The following KCND2 variants were observed in gnomAD, a reference collection of about 807,000 sequenced individuals.
KCND2 encodes potassium voltage-gated channel subfamily D member 2.
Under a neutral mutation model 54.4 loss-of-function variants are expected in KCND2, and 16 were observed. The ratio of observed to expected loss-of-function variants is 0.29; its 90% CI spans 0.20 to 0.45. KCND2 has a LOEUF of 0.45. KCND2 is among the 20% of genes least tolerant of loss of function. The pLI, the probability that KCND2 is intolerant of heterozygous loss-of-function variation, is 1.00. For missense variants in KCND2, 486 were observed against 824.2 expected (o/e 0.59, Z 5.02); for synonymous variants, 317 against 310.7 (o/e 1.02, Z -0.21).
At chr7:120,420,744 A>C (rs1350938535) in intron 1 of KCND2, among the ~76,000 whole-genome samples, 2 of 152,174 alleles carry the variant, frequency 1.3e-5, no homozygotes, top group African/African-American at 4.8e-5. Context: ...TAAGAGGGAA[A>C]AAAATTAATT....
chr7:120,325,714 T>C (rs1007945880), intron 1 of KCND2, among the ~76,000 whole-genome samples: 1 of 152,036 alleles, frequency 6.6e-6, no homozygotes, highest in Non-Finnish European at 1.5e-5. Context: ...TAGGTGAAAA[T>C]AATAACTTGG....
intron 1 of KCND2, among the ~76,000 whole-genome samples, chr7:120,614,162 G>A (rs914960815): frequency 2.4e-4 from 36 of 151,944 alleles, no homozygotes; most frequent in Admixed American, 1.3e-3. Context: ...ACAGGTGCCC[G>A]CCACCACGCC....
intron 1 of KCND2, among the ~76,000 whole-genome samples, chr7:120,284,416 C>T (rs1477883604): frequency 6.6e-6 from 1 of 152,090 alleles, no homozygotes; most frequent in Non-Finnish European, 1.5e-5. Flanking sequence ...AAATTCTTCT[C>T]CATATTGTTT....
intron 1 of KCND2, among the ~76,000 whole-genome samples, chr7:120,560,426 T>C (rs1792219424): frequency 6.6e-6 from 1 of 152,202 alleles, no homozygotes; most frequent in Non-Finnish European, 1.5e-5. Flanking sequence ...AAAGCGACAG[T>C]AAAATGTAGA....
intron 1 of KCND2, among the ~76,000 whole-genome samples, chr7:120,673,905 AT>A (rs1214761156): frequency 2.5e-4 from 34 of 136,090 alleles, no homozygotes; most frequent in East Asian, 2.3e-3. Flanking sequence ...TGCCTCTTTT[AT>A]TTATTTTTTT....
chr7:120,455,301 A>G (rs1802179415), intron 1 of KCND2, among the ~76,000 whole-genome samples: 1 of 152,210 alleles, frequency 6.6e-6, no homozygotes, highest in Non-Finnish European at 1.5e-5. Flanking sequence ...ACAAGGCTAC[A>G]GTAACCAAAA....
At chr7:120,344,594 A>G (rs1387901737) in intron 1 of KCND2, among the ~76,000 whole-genome samples, 2 of 152,222 alleles carry the variant, frequency 1.3e-5, no homozygotes, top group African/African-American at 2.4e-5. Flanking sequence ...TAATCGTACT[A>G]GATTACTAAC....
rs866197772 is a variant in KCND2 at position 120,275,821 on chromosome 7, G to A, written c.1115+74G>A. ...GATTGTGGACCCATCGAGGTTACAT[G>A]GTAACTCCGGGGAAATCATTTGTTT... On this transcript the variant is annotated intron_variant, in intron 1 of 5. Coordinates refer to ENST00000331113, the MANE Select transcript of KCND2 (RefSeq NM_012281.3). The A allele has an allele frequency of 1.3e-5, 19 of 1,460,644 alleles. 1 individual carries two copies. Among genetic ancestry groups the A allele is most frequent in the Middle Eastern group, 3.6e-4 (2 of 5,508 alleles). 90.5% of individuals were successfully genotyped at this position (1,460,644 alleles called of 1,614,324 possible). A position where few individuals can be genotyped will look rare whatever the true frequency, so the allele number is the denominator to read the frequency against.
chr7:120,623,756 G>A (rs1793131956), intron 1 of KCND2, among the ~76,000 whole-genome samples: 2 of 152,140 alleles, frequency 1.3e-5, no homozygotes, highest in African/African-American at 4.8e-5. Flanking sequence ...TTCAGAGGGA[G>A]GAGGTATAGA....
intron 1 of KCND2, among the ~76,000 whole-genome samples, chr7:120,722,047 T>C (rs12533756): frequency 6.6e-6 from 1 of 151,966 alleles, no homozygotes; most frequent in Non-Finnish European, 1.5e-5. Flanking sequence ...TGATTGTGAG[T>C]CTTCTCCAGC....
At chr7:120,504,063 A>T (rs1007888859) in intron 1 of KCND2, among the ~76,000 whole-genome samples, 10 of 151,974 alleles carry the variant, frequency 6.6e-5, no homozygotes, top group African/African-American at 2.4e-4. Flanking sequence ...GTTAGTTCAG[A>T]TCTTCAAGAT....
chr7:120,484,520 A>G (rs1375442289), intron 1 of KCND2, among the ~76,000 whole-genome samples: 1 of 150,958 alleles, frequency 6.6e-6, no homozygotes, highest in Non-Finnish European at 1.5e-5. Flanking sequence ...ACCTCCAACT[A>G]AGAGATGAAA....
chr7:120,306,212 G>C (rs912639780), intron 1 of KCND2, among the ~76,000 whole-genome samples: 1 of 151,966 alleles, frequency 6.6e-6, no homozygotes, highest in African/African-American at 2.4e-5. Flanking sequence ...CACCTCCTCC[G>C]TAAAACAGCA....
At chr7:120,710,465 A>T (rs753919175) in intron 1 of KCND2, among the ~76,000 whole-genome samples, 17 of 152,156 alleles carry the variant, frequency 1.1e-4, no homozygotes, top group Non-Finnish European at 2.4e-4. Context: ...CAGGAGAAGA[A>T]CCTTGTACTC....
At chr7:120,328,622 G>A (rs533293127) in intron 1 of KCND2, among the ~76,000 whole-genome samples, 1 of 152,176 alleles carries the variant, frequency 6.6e-6, no homozygotes, top group Non-Finnish European at 1.5e-5. Context: ...TACATAAAAT[G>A]TATATTAACA....
chr7:120,539,325 G>T (rs979786266), intron 1 of KCND2, among the ~76,000 whole-genome samples: 1 of 152,190 alleles, frequency 6.6e-6, no homozygotes. Flanking sequence ...GTTGCCAAAA[G>T]CTTTCAAACT....
At chr7:120,336,307 T>C (rs963215422) in intron 1 of KCND2, among the ~76,000 whole-genome samples, 6 of 152,202 alleles carry the variant, frequency 3.9e-5, no homozygotes, top group African/African-American at 1.2e-4. Context: ...TTTCTGAAGA[T>C]TGTTCATATT....
intron 4 of KCND2, among the ~76,000 whole-genome samples, chr7:120,743,740 T>C (rs1462521337): frequency 6.6e-6 from 1 of 152,004 alleles, no homozygotes; most frequent in Non-Finnish European, 1.5e-5. Flanking sequence ...TTAAGAGTGG[T>C]CAGAAGAAGA....
At chr7:120,612,492 T>G (rs914677986) in intron 1 of KCND2, among the ~76,000 whole-genome samples, 1 of 152,254 alleles carries the variant, frequency 6.6e-6, no homozygotes, top group African/African-American at 2.4e-5. Flanking sequence ...AACAGCCATG[T>G]CTGTTTTACT....
Sources: allele counts gnomAD v4.1 joint callset (sites outside exome capture counted in the v4.1 genomes callset), GRCh38; gene constraint gnomAD v4.1.1; transcripts MANE v1.5; gene names NCBI Gene and HGNC (gene_info 2026-07-23, HGNC 2026-07-21).